CCDC148: variants seen among roughly 807,000 people sequenced by gnomAD.
CCDC148 encodes the protein coiled-coil domain containing 148, also known as coiled-coil domain-containing protein 148.
In CCDC148, 89 loss-of-function variants were observed where a neutral mutation model predicts 85.7. The ratio of observed to expected loss-of-function variants is 1.04; its 90% CI spans 0.87 to 1.24. The LOEUF (loss-of-function observed/expected upper bound fraction) is 1.24. Ranked by LOEUF, CCDC148 falls within the 50% of genes most tolerant of loss-of-function variation. CCDC148 has a pLI of 0.00. For missense variants in CCDC148, 692 were observed against 671.7 expected (o/e 1.03, Z -0.33); for synonymous variants, 230 against 213.9 (o/e 1.08, Z -0.66).
intron 9 of CCDC148, among the ~76,000 whole-genome samples, chr2:158,304,661 T>C (rs1268360001): frequency 3.9e-5 from 6 of 152,144 alleles, no homozygotes; most frequent in Admixed American, 2.6e-4. Context: ...GTGTAGAAAG[T>C]TAGATAGAAT....
At chr2:158,368,083 ATTAAT>A (rs1684277383) in intron 1 of CCDC148, among the ~76,000 whole-genome samples, 1 of 152,130 alleles carries the variant, frequency 6.6e-6, no homozygotes, top group Admixed American at 6.6e-5. Flanking sequence ...TTATTTCATA[ATTAAT>A]ACACTGGCCA....
chr2:158,329,793 T>C (rs191401002), intron 7 of CCDC148, among the ~76,000 whole-genome samples: 48 of 152,320 alleles, frequency 3.2e-4, no homozygotes, highest in Admixed American at 2.5e-3. Context: ...GAGTTACTCA[T>C]GATTTGGTTC....
At chr2:158,444,516 C>T (rs1688076326) in intron 1 of CCDC148, among the ~76,000 whole-genome samples, 2 of 152,028 alleles carry the variant, frequency 1.3e-5, no homozygotes, top group African/African-American at 2.4e-5. Context: ...TGCAGTGGCT[C>T]ATGCCTGCAA....
At chr2:158,303,103 T>C (rs1042585813) in intron 9 of CCDC148, among the ~76,000 whole-genome samples, 2 of 152,088 alleles carry the variant, frequency 1.3e-5, no homozygotes, top group African/African-American at 4.8e-5. Flanking sequence ...CTTTAACACA[T>C]CTTAAAAGAC....
At chr2:158,351,504 T>C (rs1410121297) in intron 2 of CCDC148, among the ~76,000 whole-genome samples, 5 of 151,650 alleles carry the variant, frequency 3.3e-5, no homozygotes, top group Admixed American at 3.3e-4. Flanking sequence ...ACCTGAATAC[T>C]GCGCTTTTCC....
chr2:158,193,561 G>A (rs897259090), intron 11 of CCDC148, among the ~76,000 whole-genome samples: 4 of 151,808 alleles, frequency 2.6e-5, no homozygotes, highest in Non-Finnish European at 4.4e-5. Context: ...AGATAGTAAC[G>A]ATAATCCTTT....
chr2:158,273,361 C>T (rs1245074165), intron 9 of CCDC148, among the ~76,000 whole-genome samples: 1 of 152,162 alleles, frequency 6.6e-6, no homozygotes, highest in Admixed American at 6.5e-5. Context: ...AGTGATTACA[C>T]ATGAAATCAT....
At chr2:158,416,081 C>G (rs975623894) in intron 1 of CCDC148, among the ~76,000 whole-genome samples, 6 of 152,330 alleles carry the variant, frequency 3.9e-5, no homozygotes, top group African/African-American at 1.4e-4. Flanking sequence ...TGGAAGCTTC[C>G]AAGGCTTGTG....
chr2:158,413,574 T>A (rs1458522155), intron 1 of CCDC148, among the ~76,000 whole-genome samples: 1 of 151,096 alleles, frequency 6.6e-6, no homozygotes, highest in African/African-American at 2.4e-5. Context: ...CAAAGAGCTA[T>A]CTTGCTCTAG....
At chr2:158,275,738 A>G (rs1266412818) in intron 9 of CCDC148, among the ~76,000 whole-genome samples, 1 of 40,632 alleles carries the variant, frequency 2.5e-5, no homozygotes, top group Admixed American at 3.4e-4. Context: ...TTTAAATTGA[A>G]AAAAAAAAAA....
chr2:158,359,651 C>A (rs1177969850), intron 1 of CCDC148, among the ~76,000 whole-genome samples: 2 of 152,134 alleles, frequency 1.3e-5, no homozygotes, highest in African/African-American at 4.8e-5. Flanking sequence ...GCACCCCAGC[C>A]CAAATACTAC....
Position 158,171,730 on chromosome 2 carries a change from A to T in CCDC148, c.*383T>A, listed in dbSNP as rs1021647902. 6.5e-6 allele frequency: 1 copy of T among 153,000 alleles called. No homozygotes were observed. Among genetic ancestry groups the T allele is most frequent in the South Asian group, 2.1e-4 (1 of 4,856 alleles). The allele number at this position is 153,000 out of a possible 1,614,324, so 9.5% of individuals were successfully genotyped here. ...TGAAGCTTCCATAATTAAAAAGTCAAATTCTGAAATAACAAGCAGAAATGA... is the reference window on the plus strand; with the variant it reads ...TGAAGCTTCCATAATTAAAAAGTCATATTCTGAAATAACAAGCAGAAATGA... On this transcript the variant is annotated 3_prime_UTR_variant, in exon 14 of 14. Coordinates refer to ENST00000283233, the MANE Select transcript of CCDC148 (RefSeq NM_138803.4).
chr2:158,315,052 A>G (rs2105215572), intron 7 of CCDC148, among the ~76,000 whole-genome samples: 1 of 152,228 alleles, frequency 6.6e-6, no homozygotes, highest in African/African-American at 2.4e-5. Flanking sequence ...TAATAGGGGG[A>G]AAAAAAGAGA....
chr2:158,226,368 T>G (rs1312186888), intron 10 of CCDC148, among the ~76,000 whole-genome samples: 1 of 152,122 alleles, frequency 6.6e-6, no homozygotes, highest in Non-Finnish European at 1.5e-5. Flanking sequence ...CCATATTCTA[T>G]CAGAGGTATA....
At chr2:158,208,296 T>G (rs999458207) in intron 11 of CCDC148, among the ~76,000 whole-genome samples, 3 of 152,174 alleles carry the variant, frequency 2.0e-5, no homozygotes, top group African/African-American at 7.2e-5. Context: ...AAGAAGGGTA[T>G]GTGTTGATTT....
At chr2:158,372,781 C>A (rs1293422224) in intron 1 of CCDC148, among the ~76,000 whole-genome samples, 1 of 152,018 alleles carries the variant, frequency 6.6e-6, no homozygotes, top group Admixed American at 6.6e-5. Flanking sequence ...CCTGACCTAC[C>A]AAATGGTTTC....
chr2:158,340,161 T>C (rs1682602962), intron 5 of CCDC148, 81 bp downstream of exon 5: 7 of 1,229,132 alleles, frequency 5.7e-6, no homozygotes, highest in Non-Finnish European at 8.1e-6. Context: ...AGGTCACACA[T>C]GTTTGTTTCT....
chr2:158,253,028 T>C (rs1374112212), intron 9 of CCDC148, among the ~76,000 whole-genome samples: 1 of 151,816 alleles, frequency 6.6e-6, no homozygotes, highest in African/African-American at 2.4e-5. Flanking sequence ...AGTTTGGATT[T>C]TTTTTATTAC....
At chr2:158,265,120 C>T (rs1689399049) in intron 9 of CCDC148, among the ~76,000 whole-genome samples, 1 of 152,044 alleles carries the variant, frequency 6.6e-6, no homozygotes, top group Admixed American at 6.6e-5. Context: ...CAGCTCTGTC[C>T]TAATCCATAA....
Sources: gnomAD v4.1 joint callset for allele counts (sites outside exome capture counted in the v4.1 genomes callset) on GRCh38, gnomAD v4.1.1 for gene constraint, MANE v1.5 for transcripts, NCBI Gene and HGNC (gene_info 2026-07-23, HGNC 2026-07-21) for gene names.